WDHD1: variants seen among roughly 807,000 people sequenced by gnomAD.
WDHD1 encodes WD repeat and HMG-box DNA binding protein 1, also known as WD repeat and HMG-box DNA-binding protein 1.
A neutral mutation model predicts 135.4 loss-of-function variants in WDHD1; 111 were observed. The observed-to-expected ratio is 0.82, with a 90% CI of 0.70 to 0.96. The LOEUF (loss-of-function observed/expected upper bound fraction) is 0.96, where lower values mean the gene tolerates loss of function less well. Among genes scored for constraint, WDHD1 ranks in the 40% least tolerant of loss-of-function variants. The pLI is 0.00. For missense variants in WDHD1, 1,351 were observed against 1,336.3 expected, an observed-to-expected ratio of 1.01 and a Z score of -0.17; for synonymous variants, 434 against 439.0, an observed-to-expected ratio of 0.99 and a Z score of 0.14.
In WDHD1 at chr14:54,939,785, A is replaced by G. The variant is rs1342897371; in HGVS notation, c.*1705T>C. The G allele has an allele frequency of 6.6e-6, 1 of 152,214 alleles. No homozygotes were observed. Among genetic ancestry groups the G allele is most frequent in the Non-Finnish European group, 1.5e-5 (1 of 68,024 alleles). The allele number at this position is 152,214 out of a possible 1,614,324, so 9.4% of individuals were successfully genotyped here. A position where few individuals can be genotyped will look rare whatever the true frequency, so the allele number is the denominator to read the frequency against. On this transcript the variant is annotated 3_prime_UTR_variant, in exon 26 of 26. Coordinates refer to ENST00000360586, the MANE Select transcript of WDHD1 (RefSeq NM_007086.4). The stretch of plus-strand genomic sequence containing the variant: ...TATTAGGTTGCTATGAATCTGAAAT[A>G]CAATATACACAGATTATATCCTTAA...
At chr14:54,992,465 G>A (rs2041808471) in intron 11 of WDHD1, among the ~76,000 whole-genome samples, 1 of 152,144 alleles carries the variant, frequency 6.6e-6, no homozygotes, top group Non-Finnish European at 1.5e-5. Context: ...ACTCTAGGCT[G>A]GGTGACAGAG....
intron 18 of WDHD1, 104 bp from the exon 19 acceptor site, chr14:54,963,276 C>T (rs1256801997): frequency 1.2e-6 from 1 of 838,700 alleles, no homozygotes. Flanking sequence ...TTTCTAGCTA[C>T]TCTATCTCCC....
intron 24 of WDHD1, among the ~76,000 whole-genome samples, chr14:54,952,802 G>T (rs1218266259): frequency 6.6e-6 from 1 of 152,096 alleles, no homozygotes; most frequent in Admixed American, 6.6e-5. Context: ...ACAGAACAGA[G>T]CCCTCAGAAA....
intron 21 of WDHD1, among the ~76,000 whole-genome samples, chr14:54,960,831 G>A (rs1434697535): frequency 4.1e-5 from 6 of 146,698 alleles, no homozygotes; most frequent in Non-Finnish European, 1.5e-5. Context: ...ACAGGGTCTT[G>A]CTCTGTCACC....
intron 2 of WDHD1, among the ~76,000 whole-genome samples, chr14:55,019,990 C>CTCTA (rs1200666634): frequency 6.6e-6 from 1 of 152,232 alleles, no homozygotes; most frequent in East Asian, 1.9e-4. Flanking sequence ...ACTACCTCAA[C>CTCTA]TCTATCCTCA....
intron 16 of WDHD1, among the ~76,000 whole-genome samples, chr14:54,980,510 A>G (rs935673642): frequency 6.6e-6 from 1 of 152,162 alleles, no homozygotes; most frequent in South Asian, 2.1e-4. Context: ...ACGGATCAAT[A>G]TAAAATACTA....
chr14:54,991,914 T>A (rs1264073547), intron 11 of WDHD1, among the ~76,000 whole-genome samples: 1 of 152,180 alleles, frequency 6.6e-6, no homozygotes, highest in Non-Finnish European at 1.5e-5. Flanking sequence ...AGTGAGCCTA[T>A]CAATTAAGAA....
intron 9 of WDHD1, 50 bp from the exon 10 acceptor site, chr14:55,000,694 T>C: frequency 2.8e-6 from 4 of 1,409,332 alleles, no homozygotes; most frequent in Non-Finnish European, 3.7e-6. Flanking sequence ...AAAATATAAA[T>C]TGTACATTTC....
intron 10 of WDHD1, among the ~76,000 whole-genome samples, chr14:55,000,048 TA>T (rs1411911424): frequency 6.6e-6 from 1 of 152,198 alleles, no homozygotes; most frequent in African/African-American, 2.4e-5. Context: ...ACCAGAAGTC[TA>T]AACTAAGACT....
chr14:55,004,779 T>A (rs535755273), intron 7 of WDHD1: 3 of 404,490 alleles, frequency 7.4e-6, no homozygotes, highest in Non-Finnish European at 1.5e-5. Context: ...TCAACCTTAT[T>A]TCCATGTTGC....
rs186286670 is a variant in WDHD1, at chr14:55,008,643, A to C, written c.418T>G (p.Leu140Val). 1.2e-6 allele frequency: 2 copies of C among 1,612,672 alleles called. No homozygotes were observed. The highest frequency in any genetic ancestry group is 2.2e-5 in the East Asian group (1 of 44,860). ...KTFRGHDAPV[L>V]SLSFDPKDIF... The stretch of plus-strand genomic sequence containing the variant: ...TCCTTAGGATCAAAGGAAAGACTTA[A>C]AACAGGGGCATCATGTCCTCGAAAT... Residue 140 changes from leucine (L) to valine (V), a missense_variant, in exon 5 of 26, where the codon TTA becomes GTA. Physicochemically the swap from Leu to Val is conservative, Grantham distance 32. Around this residue, in one of 2 missense-constraint regions of WDHD1, gnomAD observed 1,330 missense variants for 1,296.1 expected, o/e 1.03. Coordinates refer to ENST00000360586, the MANE Select transcript of WDHD1 (RefSeq NM_007086.4).
At chr14:55,003,000 T>C (rs1297702372) in intron 7 of WDHD1, among the ~76,000 whole-genome samples, 2 of 152,150 alleles carry the variant, frequency 1.3e-5, no homozygotes, top group Non-Finnish European at 1.5e-5. Flanking sequence ...AAACAAGAAA[T>C]GTATCTTCTT....
Position 54,967,294 on chromosome 14 carries a change from T to G in WDHD1, c.2164A>C (p.Lys722Gln). The G allele has an allele frequency of 6.2e-7, 1 of 1,611,204 alleles. No homozygotes were observed. The highest frequency in any genetic ancestry group is 1.1e-5 in the South Asian group (1 of 90,896). ...CTTCCACATACCTCCATTTGTCCTT[T>G]CTCTGTTGCAATCTGACAGTAAGGA... ...KLPYCQIATE[K>Q]GQMEEQFWRS... The change falls in exon 17 of 26, where the codon AAA (lysine) becomes CAA (glutamine). Residue 722 changes from lysine to glutamine, a missense_variant. This residue lies in a region of WDHD1 where 1,330 missense variants were observed against 1,296.1 expected (regional missense o/e 1.03). Transcript: ENST00000360586.
At chr14:55,011,198 G>A (rs2042162408) in intron 3 of WDHD1, among the ~76,000 whole-genome samples, 2 of 152,146 alleles carry the variant, frequency 1.3e-5, no homozygotes, top group African/African-American at 4.8e-5. Context: ...CATATACAAA[G>A]GCAGTACATG....
chr14:55,008,774 T>C, intron 4 of WDHD1, 55 bp from the exon 5 acceptor site: 1 of 1,047,332 alleles, frequency 9.5e-7, no homozygotes. Context: ...AGGCCTCTCC[T>C]AAAAGCTATG....
At chr14:54,987,774 G>A (rs1318410969) in intron 13 of WDHD1, among the ~76,000 whole-genome samples, 1 of 152,052 alleles carries the variant, frequency 6.6e-6, no homozygotes, top group Non-Finnish European at 1.5e-5. Flanking sequence ...CTACAGGTGG[G>A]TGCCACTGCA....
intron 2 of WDHD1, among the ~76,000 whole-genome samples, chr14:55,018,124 G>A (rs916012677): frequency 2.6e-5 from 4 of 152,060 alleles, no homozygotes; most frequent in Non-Finnish European, 2.9e-5. Context: ...AAGAGCGAGC[G>A]ACTCTGTAAA....
chr14:55,019,393 A>G (rs763964946), intron 2 of WDHD1, among the ~76,000 whole-genome samples: 1 of 152,188 alleles, frequency 6.6e-6, no homozygotes, highest in African/African-American at 2.4e-5. Context: ...AACTATTGGC[A>G]TAAGGGTGTC....
At chr14:54,963,441 A>G (rs1257337015) in intron 18 of WDHD1, among the ~76,000 whole-genome samples, 1 of 152,194 alleles carries the variant, frequency 6.6e-6, no homozygotes, top group African/African-American at 2.4e-5. Context: ...ACAGTGGCTT[A>G]GATTTGATGA....
Sources: gnomAD v4.1 joint callset for allele counts (sites outside exome capture counted in the v4.1 genomes callset) on GRCh38, gnomAD v4.1.1 for gene constraint, gnomAD v4.1.1 regional missense constraint, MANE v1.5 for transcripts, NCBI Gene and HGNC (gene_info 2026-07-23, HGNC 2026-07-21) for gene names.